The following ELAPOR1 variants were observed in gnomAD, a reference collection of about 807,000 sequenced individuals.
ELAPOR1 encodes endosome-lysosome associated apoptosis and autophagy regulator 1, also known as endosome/lysosome-associated apoptosis and autophagy regulator 1.
A neutral mutation model predicts 119.7 loss-of-function variants in ELAPOR1; 77 were observed. The observed-to-expected ratio is 0.64, with a 90% confidence interval of 0.54 to 0.78. ELAPOR1 has a LOEUF of 0.78. Among genes scored for constraint, ELAPOR1 ranks in the 30% least tolerant of loss-of-function variants. The pLI is 0.00. For missense variants in ELAPOR1, 1,115 were observed against 1,270.4 expected (o/e 0.88, Z 1.86); for synonymous variants, 481 against 487.2 (o/e 0.99, Z 0.17).
chr1:109,159,941 T>C (rs1447584652), intron 1 of ELAPOR1, among the ~76,000 whole-genome samples: 1 of 152,224 alleles, frequency 6.6e-6, no homozygotes, highest in Non-Finnish European at 1.5e-5. Context: ...AAAACCCTTT[T>C]GAGAGTATCA....
At chr1:109,140,221 C>G (rs1157602385) in intron 1 of ELAPOR1, among the ~76,000 whole-genome samples, 1 of 152,138 alleles carries the variant, frequency 6.6e-6, no homozygotes, top group Non-Finnish European at 1.5e-5. Flanking sequence ...ACAACCTGTA[C>G]ATCTGTACAT....
chr1:109,180,177 C>A lies in ELAPOR1; in HGVS notation c.953-4868C>A, dbSNP rs950779451. Among the ~76,000 whole-genome samples the A allele has an allele frequency of 4.1e-4, 62 of 152,286 alleles. 1 individual carries two copies. Among genetic ancestry groups the A allele is most frequent in the African/African-American group, 1.4e-3 (60 of 41,572 alleles). On this transcript the variant is annotated intron_variant, in intron 7 of 21. Coordinates refer to ENST00000369939, the MANE Select transcript of ELAPOR1 (RefSeq NM_020775.5). Reference sequence around the variant, plus strand: ...AAAATTTGATCATTAGGTTTAATTTCTTTGTGTTATGTTTCATATTAGTGA... The same window carrying A: ...AAAATTTGATCATTAGGTTTAATTTATTTGTGTTATGTTTCATATTAGTGA...
intron 3 of ELAPOR1, among the ~76,000 whole-genome samples, chr1:109,166,410 G>A (rs10158326): frequency 0.46 from 70,269 of 151,994 alleles, 17,188 homozygotes; most frequent in African/African-American, 0.64. Flanking sequence ...TCTTCCAAAT[G>A]CTGTGAGACC....
At chr1:109,186,908 A>C in intron 8 of ELAPOR1, 1 of 985,514 alleles carries the variant, frequency 1.0e-6, no homozygotes, top group Non-Finnish European at 1.2e-6. Flanking sequence ...GGTCAGACCA[A>C]AGCCTGTGTT....
intron 1 of ELAPOR1, among the ~76,000 whole-genome samples, chr1:109,159,730 C>T (rs536957547): frequency 1.3e-5 from 2 of 152,214 alleles, no homozygotes; most frequent in South Asian, 2.1e-4. Flanking sequence ...CTCATCTGTA[C>T]AATGAAGGAA....
intron 1 of ELAPOR1, among the ~76,000 whole-genome samples, chr1:109,142,832 C>T (rs979372482): frequency 6.6e-6 from 1 of 152,078 alleles, no homozygotes; most frequent in Admixed American, 6.6e-5. Context: ...CATATATTCA[C>T]ACAAAAACTT....
chr1:109,174,530 A>G (rs1652141569), intron 7 of ELAPOR1, among the ~76,000 whole-genome samples: 1 of 150,072 alleles, frequency 6.7e-6, no homozygotes, highest in Admixed American at 6.7e-5. Flanking sequence ...AAAACAGACA[A>G]AGGTCCCTGT....
intron 11 of ELAPOR1, among the ~76,000 whole-genome samples, 186 bp from the exon 12 acceptor site, chr1:109,191,180 A>G (rs1487926523): frequency 6.6e-6 from 1 of 152,104 alleles, no homozygotes; most frequent in East Asian, 1.9e-4. Context: ...TTTTACAGAT[A>G]AGGAAACCGT....
At chr1:109,130,432 G>A (rs914878831) in intron 1 of ELAPOR1, among the ~76,000 whole-genome samples, 5 of 151,870 alleles carry the variant, frequency 3.3e-5, no homozygotes, top group African/African-American at 1.2e-4. Flanking sequence ...ATTTAGATAA[G>A]AACTAAAAAT....
chr1:109,185,215 A>G (rs1652973532), intron 8 of ELAPOR1, 82 bp downstream of exon 8: 5 of 1,071,122 alleles, frequency 4.7e-6, no homozygotes. Context: ...TTGGAACTTC[A>G]GCAGTCAATG....
At chr1:109,124,124 G>A (rs947653491) in intron 1 of ELAPOR1, among the ~76,000 whole-genome samples, 15 of 152,270 alleles carry the variant, frequency 9.9e-5, no homozygotes, top group African/African-American at 2.9e-4. Context: ...TTATCCATAA[G>A]TGTGTTTATT....
chr1:109,178,962 C>CA (rs35030338), intron 7 of ELAPOR1, among the ~76,000 whole-genome samples: 3,757 of 134,196 alleles, frequency 0.028, 172 homozygotes, highest in African/African-American at 0.086. Flanking sequence ...AATACTGTCT[C>CA]AAAAAAAAAA....
intron 21 of ELAPOR1, among the ~76,000 whole-genome samples, chr1:109,201,580 G>A (rs1654175916): frequency 6.6e-6 from 1 of 152,224 alleles, no homozygotes; most frequent in Admixed American, 6.5e-5. Flanking sequence ...CCCAATAGGA[G>A]TGGGTGGGGA....
At chr1:109,115,578 C>T (rs1280234606) in intron 1 of ELAPOR1, among the ~76,000 whole-genome samples, 2 of 152,216 alleles carry the variant, frequency 1.3e-5, no homozygotes, top group East Asian at 3.9e-4. Flanking sequence ...TGCGCCCAGC[C>T]CAGAATATTT....
chr1:109,197,261 C>A (rs1231835042), intron 15 of ELAPOR1, among the ~76,000 whole-genome samples: 1 of 152,014 alleles, frequency 6.6e-6, no homozygotes, highest in Non-Finnish European at 1.5e-5. Flanking sequence ...CACTCCAGCC[C>A]GGGCAATAGA....
At chr1:109,147,996 A>T (rs1558032036) in intron 1 of ELAPOR1, among the ~76,000 whole-genome samples, 2 of 139,886 alleles carry the variant, frequency 1.4e-5, no homozygotes, top group Admixed American at 7.2e-5. Flanking sequence ...CGCCCGGCTA[A>T]TTTTTTTTTT....
intron 3 of ELAPOR1, among the ~76,000 whole-genome samples, chr1:109,167,551 C>T (rs942759672): frequency 6.6e-6 from 1 of 152,216 alleles, no homozygotes; most frequent in East Asian, 1.9e-4. Context: ...AAGCTCATCT[C>T]CTGCTTCCAT....
intron 13 of ELAPOR1, 130 bp from the exon 14 acceptor site, chr1:109,192,481 T>G (rs1164545896): frequency 5.1e-6 from 5 of 980,342 alleles, no homozygotes. Context: ...GTAAAAAGAG[T>G]CAGATGCTTC....
chr1:109,145,519 G>A lies in ELAPOR1; in HGVS notation c.154-16375G>A, dbSNP rs142800306. On this transcript the variant is annotated intron_variant, in intron 1 of 21. Coordinates refer to ENST00000369939, the MANE Select transcript of ELAPOR1 (RefSeq NM_020775.5). ...AAAAATACAAAAATTAGCTGGGCAT[G>A]GTGGTGCGCACTTGTGGTCTCAGCT... is the stretch of plus-strand genomic sequence containing the variant. 5.1e-4 allele frequency among the ~76,000 whole-genome samples: 77 copies of A among 152,172 alleles called. 2 individuals are homozygous for A. The East Asian group carries it at 0.014, about 27-fold the overall frequency.
Sources: gnomAD v4.1 joint callset for allele counts (sites outside exome capture counted in the v4.1 genomes callset) on GRCh38, gnomAD v4.1.1 for gene constraint, MANE v1.5 for transcripts, NCBI Gene and HGNC (gene_info 2026-07-23, HGNC 2026-07-21) for gene names.